The following PARP1 variants were observed in gnomAD, a reference collection of about 807,000 sequenced individuals.
PARP1 encodes the protein poly [ADP-ribose] polymerase 1.
PARP1 carries 44 observed loss-of-function variants against 118.7 expected under a neutral mutation model. That is an observed-to-expected ratio of 0.37 (90% confidence interval 0.29 to 0.48). The LOEUF (loss-of-function observed/expected upper bound fraction) is 0.48. Among genes scored for constraint, PARP1 ranks in the 20% least tolerant of loss-of-function variants. The pLI, the probability that PARP1 is intolerant of heterozygous loss-of-function variation, is 0.99. For synonymous variants in PARP1, 492 were observed against 483.2 expected (o/e 1.02, Z -0.24); for missense variants, 1,100 against 1,272.4 (o/e 0.86, Z 2.06).
intron 1 of PARP1, among the ~76,000 whole-genome samples, chr1:226,406,629 C>T (rs1378089895): frequency 6.6e-6 from 1 of 152,198 alleles, no homozygotes; most frequent in Non-Finnish European, 1.5e-5. Flanking sequence ...TCCCGTTTAA[C>T]CAAACTGGAA....
intron 21 of PARP1, 31 bp downstream of exon 21, chr1:226,363,068 G>C: frequency 6.4e-7 from 1 of 1,562,798 alleles, no homozygotes; most frequent in Non-Finnish European, 8.8e-7. Context: ...GGGTGCCTCG[G>C]GCTGTAGCAA....
intron 15 of PARP1, 44 bp downstream of exon 15, chr1:226,370,390 G>T (rs899219334): frequency 6.9e-7 from 1 of 1,457,688 alleles, no homozygotes; most frequent in Non-Finnish European, 9.6e-7. Context: ...CCCTAAGTCG[G>T]CCAGAGGAGG....
In PARP1 at chr1:226,364,812, C is replaced by A. The variant is rs77178732; in HGVS notation, c.2658+190G>T. Reference sequence around the variant, plus strand: ...GCAGGCCCTGGCCTGGATGCTCTGCCTCCTTTGTTCCAGAAACTGTGTTTG... The same window carrying A: ...GCAGGCCCTGGCCTGGATGCTCTGCATCCTTTGTTCCAGAAACTGTGTTTG... On this transcript the variant is annotated intron_variant, in intron 19 of 22. Coordinates refer to ENST00000366794, the MANE Select transcript of PARP1 (RefSeq NM_001618.4). Among the ~76,000 whole-genome samples the A allele has an allele frequency of 6.6e-3, 1,004 of 152,374 alleles. 14 individuals are homozygous for A. Among genetic ancestry groups the A allele is most frequent in the African/African-American group, 0.023 (953 of 41,586 alleles).
In PARP1 at chr1:226,408,028, G is replaced by T; in HGVS notation, c.-99C>A. The T allele has an allele frequency of 6.4e-7, 1 of 1,558,468 alleles. No homozygotes were observed. Among genetic ancestry groups the T allele is most frequent in the Non-Finnish European group, 8.7e-7 (1 of 1,145,674 alleles). ...CGCGTGCGCTCACCCAGCCGCAGGC[G>T]CCTGAGCGGCCAGAGCCGCCACCGA... On this transcript the variant is annotated 5_prime_UTR_variant, in exon 1 of 23. Transcript: ENST00000366794.
chr1:226,386,143 C>T (rs962585474), intron 6 of PARP1, among the ~76,000 whole-genome samples, 183 bp downstream of exon 6: 1 of 152,168 alleles, frequency 6.6e-6, no homozygotes, highest in African/African-American at 2.4e-5. Flanking sequence ...CCCCATCCAC[C>T]CCGGAAAAAT....
At chr1:226,392,634 G>A in intron 2 of PARP1, 4 of 537,002 alleles carry the variant, frequency 7.4e-6, no homozygotes, top group Non-Finnish European at 9.9e-6. Context: ...CTTATTAGGT[G>A]CTTACCTTAA....
chr1:226,383,015 CCG>C lies in PARP1; in HGVS notation c.1159+19_1159+20del. 1 of 1,612,198 alleles carries C rather than the reference CCG, an allele frequency of 6.2e-7. No individual in the cohort carries two copies. Among genetic ancestry groups the C allele is most frequent in the East Asian group, 2.2e-5 (1 of 44,878 alleles). On this transcript the variant is annotated intron_variant, in intron 8 of 22. Coordinates refer to ENST00000366794, the MANE Select transcript of PARP1 (RefSeq NM_001618.4). ...CAATTCCTGCAAAGCAGCTCTAAGA[CCG>C]GGGTCCCAAATGCTGTACCTGCTGA... is the stretch of plus-strand genomic sequence containing the variant.
At chr1:226,365,910 G>C in intron 18 of PARP1, 44 bp downstream of exon 18, 1 of 1,308,162 alleles carries the variant, frequency 7.6e-7, no homozygotes, top group Non-Finnish European at 1.1e-6. Flanking sequence ...GCAGGGAAGA[G>C]CTGGCAGGAC....
chr1:226,373,966 A>G (rs1334837385), intron 14 of PARP1, among the ~76,000 whole-genome samples: 1 of 152,158 alleles, frequency 6.6e-6, no homozygotes, highest in Non-Finnish European at 1.5e-5. Context: ...GAAAAAAAGT[A>G]CAAAGGGGAC....
chr1:226,385,946 T>C (rs2102738732), intron 6 of PARP1, among the ~76,000 whole-genome samples: 1 of 152,190 alleles, frequency 6.6e-6, no homozygotes, highest in East Asian at 1.9e-4. Context: ...AAGCAACCAC[T>C]GGCATTGCAG....
intron 22 of PARP1, 109 bp from the exon 23 acceptor site, chr1:226,361,650 C>G (rs1016612595): frequency 6.1e-6 from 5 of 820,694 alleles, no homozygotes; most frequent in Non-Finnish European, 1.1e-5. Flanking sequence ...GAAAGTCACT[C>G]TAAGGCCTCT....
rs13306134 is a variant in PARP1, at chr1:226,382,880, G to A, written c.1159+156C>T. Among the ~76,000 whole-genome samples the A allele has an allele frequency of 1.4e-4, 22 of 152,364 alleles. No individual in the cohort carries two copies. In the East Asian group the frequency reaches 4.1e-3, roughly 28 times the overall value. ...TCAGGGGTGTAACAAGCCAAGAGAA[G>A]AGGCCTATCCCCTGCAGGGCAAGGC... On this transcript the variant is annotated intron_variant, in intron 8 of 22. Transcript: ENST00000366794.
At position 226,392,320 on chromosome 1, in the gene PARP1, G is replaced by T. The variant is rs1805405; in HGVS notation, c.287-6C>A. The T allele has an allele frequency of 0.18, 290,843 of 1,600,632 alleles. 28,852 individuals are homozygous for T. Among genetic ancestry groups the T allele is most frequent in the African/African-American group, 0.37 (27,728 of 74,704 alleles). On this transcript the variant is annotated splice_polypyrimidine_tract_variant and splice_region_variant and intron_variant, in intron 2 of 22. Coordinates refer to ENST00000366794, the MANE Select transcript of PARP1 (RefSeq NM_001618.4). ...AATTCCATCCTGGCCTTTGCCTGGAGAATCAAACAGACAGCAATGCTCATC... is the reference window on the plus strand; with the variant it reads ...AATTCCATCCTGGCCTTTGCCTGGATAATCAAACAGACAGCAATGCTCATC...
chr1:226,374,840 A>T (rs1664457465), intron 13 of PARP1, among the ~76,000 whole-genome samples: 1 of 152,194 alleles, frequency 6.6e-6, no homozygotes. Context: ...CCAAAGTACC[A>T]AGCAACCAGT....
intron 5 of PARP1, among the ~76,000 whole-genome samples, chr1:226,387,572 C>T (rs1052049208): frequency 6.6e-6 from 1 of 152,192 alleles, no homozygotes; most frequent in African/African-American, 2.4e-5. Context: ...TCGACATCTC[C>T]TCTCCATCAC....
At chr1:226,373,472 C>A (rs910028861) in intron 14 of PARP1, among the ~76,000 whole-genome samples, 1 of 152,148 alleles carries the variant, frequency 6.6e-6, no homozygotes, top group Non-Finnish European at 1.5e-5. Flanking sequence ...CTTAAGAGCT[C>A]TGATGCTAGG....
intron 1 of PARP1, 149 bp downstream of exon 1, chr1:226,407,661 G>A: frequency 3.0e-6 from 2 of 675,180 alleles, no homozygotes; most frequent in Non-Finnish European, 4.4e-6. Context: ...CGCTCGGGAG[G>A]AGGGGCGGCC....
Position 226,364,039 on chromosome 1 carries a change from A to T in PARP1, c.2690T>A (p.Phe897Tyr), listed in dbSNP as rs1368534766. The T allele has an allele frequency of 6.2e-7, 1 of 1,614,020 alleles. No homozygotes were observed. The highest frequency in any genetic ancestry group is 8.5e-7 in the Non-Finnish European group (1 of 1,179,868). Residue 897 changes from phenylalanine to tyrosine, a missense_variant, in exon 20 of 23, where the codon TTC becomes TAC. By Grantham distance (22) the Phe-to-Tyr change is conservative. Transcript: ENST00000366794. ...GGCACTCTTGGAGACCATGTCAGCG[A>T]AATAGATCCCTTTACCAAACATGTA... The part of the protein sequence containing the change: ...TGYMFGKGIY[F>Y]ADMVSKSANY...
intron 7 of PARP1, among the ~76,000 whole-genome samples, chr1:226,383,800 A>G (rs1185565983): frequency 6.6e-6 from 1 of 152,210 alleles, no homozygotes; most frequent in East Asian, 1.9e-4. Flanking sequence ...TATCAAATAC[A>G]TGAAGCTCAG....
Sources: gnomAD v4.1 joint callset for allele counts (sites outside exome capture counted in the v4.1 genomes callset) on GRCh38, gnomAD v4.1.1 for gene constraint, MANE v1.5 for transcripts, NCBI Gene and HGNC (gene_info 2026-07-23, HGNC 2026-07-21) for gene names.